The following AGBL1 variants were observed in gnomAD, a reference collection of about 807,000 sequenced individuals.
AGBL1 encodes cytosolic carboxypeptidase 4.
In AGBL1, 130 loss-of-function variants were observed where a neutral mutation model predicts 118.9. That is an observed-to-expected ratio of 1.09 (90% CI 0.95 to 1.26). The LOEUF (loss-of-function observed/expected upper bound fraction) is 1.26, where lower values mean the gene tolerates loss of function less well. Among genes scored for constraint, AGBL1 ranks in the 50% most tolerant of loss-of-function variants. The probability of loss-of-function intolerance (pLI) is 0.00; values close to 1 mark genes in which losing one functional copy is unlikely to be tolerated. For synonymous variants in AGBL1, 555 were observed against 478.9 expected, an observed-to-expected ratio of 1.16 and a Z score of -2.08; for missense variants, 1,584 against 1,298.1, an observed-to-expected ratio of 1.22 and a Z score of -3.38.
At chr15:86,383,709 C>T (rs2081144626) in intron 17 of AGBL1, among the ~76,000 whole-genome samples, 1 of 152,214 alleles carries the variant, frequency 6.6e-6, no homozygotes, top group African/African-American at 2.4e-5. Context: ...ACAAAATTGA[C>T]CCACTTCAGC....
intron 21 of AGBL1, among the ~76,000 whole-genome samples, chr15:86,652,092 A>G (rs1302251331): frequency 6.6e-6 from 1 of 152,134 alleles, no homozygotes; most frequent in Non-Finnish European, 1.5e-5. Context: ...TCCCCAATAC[A>G]ATAAAAAGGA....
chr15:86,787,232 C>T (rs2078425838), intron 22 of AGBL1, among the ~76,000 whole-genome samples: 1 of 151,950 alleles, frequency 6.6e-6, no homozygotes, highest in South Asian at 2.1e-4. Context: ...CCATAGTTAC[C>T]CATTTTTATG....
chr15:86,190,480 T>G (rs1180762669), intron 5 of AGBL1, among the ~76,000 whole-genome samples: 1 of 152,216 alleles, frequency 6.6e-6, no homozygotes, highest in Non-Finnish European at 1.5e-5. Flanking sequence ...TCTATAATTT[T>G]TTAAAAATTA....
At chr15:86,270,111 A>C in intron 14 of AGBL1, 44 bp downstream of exon 14, 1 of 1,575,514 alleles carries the variant, frequency 6.3e-7, no homozygotes, top group South Asian at 1.2e-5. Context: ...ACATGCCAGG[A>C]ATGACATTTC....
chr15:86,749,833 A>G (rs1037073068), intron 22 of AGBL1, among the ~76,000 whole-genome samples: 2 of 152,106 alleles, frequency 1.3e-5, no homozygotes, highest in African/African-American at 2.4e-5. Context: ...CGTATGTTGA[A>G]CCAGCCTTGC....
chr15:86,439,466 T>C (rs1488218178), intron 18 of AGBL1, among the ~76,000 whole-genome samples: 1 of 152,192 alleles, frequency 6.6e-6, no homozygotes, highest in Non-Finnish European at 1.5e-5. Flanking sequence ...AAGTAGACTA[T>C]AAATTTGAAG....
In AGBL1 at chr15:86,771,729, G is replaced by A. The variant is rs528450778; in HGVS notation, c.3158+97293G>A. ...AAAAAAAGAAAAAGCTTTCACAAAT[G>A]TAGTTGTCTTTCTCCTTAATTATTT... On this transcript the variant is annotated intron_variant, in intron 22 of 22. Coordinates refer to ENST00000614907, the MANE Select transcript of AGBL1 (RefSeq NM_001386094.1). 2.0e-4 allele frequency among the ~76,000 whole-genome samples: 30 copies of A among 152,082 alleles called. 1 individual carries two copies. Among genetic ancestry groups the A allele is most frequent in the African/African-American group, 7.0e-4 (29 of 41,512 alleles).
At chr15:86,723,627 C>T (rs1009658530) in intron 22 of AGBL1, among the ~76,000 whole-genome samples, 1 of 151,814 alleles carries the variant, frequency 6.6e-6, no homozygotes, top group Non-Finnish European at 1.5e-5. Context: ...GCACGTTGTG[C>T]ACATGTACCC....
rs1358202027 is a variant in AGBL1, at chr15:86,888,414, A to G, written c.3159-18673A>G. Among the ~76,000 whole-genome samples the G allele has an allele frequency of 2.6e-5, 4 of 152,324 alleles. No individual in the cohort carries two copies. The East Asian group carries it at 5.8e-4, about 22-fold the overall frequency. ...CACATAAACTGTAGAGCTACAGATG[A>G]ATCATATACCTTTATTTTAAAGGTA... On this transcript the variant is annotated intron_variant, in intron 22 of 22. Transcript: ENST00000614907.
intron 21 of AGBL1, among the ~76,000 whole-genome samples, chr15:86,594,615 G>A (rs1421758207): frequency 2.0e-5 from 3 of 151,928 alleles, no homozygotes; most frequent in African/African-American, 7.3e-5. Context: ...GTTTTGTTCT[G>A]TTTTCCAAAT....
In AGBL1 at chr15:86,145,043, A is replaced by G. The variant is rs1003690275; in HGVS notation, c.262+1198A>G. 4.9e-4 allele frequency among the ~76,000 whole-genome samples: 75 copies of G among 152,294 alleles called. 1 individual carries two copies. The highest frequency in any genetic ancestry group is 1.6e-3 in the African/African-American group (67 of 41,578). On this transcript the variant is annotated intron_variant, in intron 3 of 22. Transcript: ENST00000614907. Reference sequence around the variant, plus strand: ...AGAAATCCTTGGTGTTTCTTGGACTATAGATGCATCACTCTGATCTCTGCC... The same window carrying G: ...AGAAATCCTTGGTGTTTCTTGGACTGTAGATGCATCACTCTGATCTCTGCC...
chr15:86,927,392 C>A (rs117268911), intron 23 of AGBL1, among the ~76,000 whole-genome samples: 5,925 of 149,432 alleles, frequency 0.04, 154 homozygotes, highest in Middle Eastern at 0.072. Flanking sequence ...AGTTTGACAC[C>A]AGCCTGGGCA....
At chr15:86,419,063 G>T (rs995905049) in intron 18 of AGBL1, among the ~76,000 whole-genome samples, 1 of 152,040 alleles carries the variant, frequency 6.6e-6, no homozygotes, top group Non-Finnish European at 1.5e-5. Context: ...AGTGTGATAT[G>T]CTATCAAAGA....
Position 86,143,685 on chromosome 15 carries a change from CG to C in AGBL1, c.116-12del, listed in dbSNP as rs2141652633. The C allele has an allele frequency of 6.2e-7, 1 of 1,611,776 alleles. No individual in the cohort carries two copies. The highest frequency in any genetic ancestry group is 2.2e-5 in the East Asian group (1 of 44,816). The stretch of plus-strand genomic sequence containing the variant: ...TATTACTTGTGGCTCATCTTTCCTC[CG>C]GTTTCCCCTCAGGCACAGACCGGAG... On this transcript the variant is annotated splice_polypyrimidine_tract_variant and intron_variant, in intron 2 of 22. Coordinates refer to ENST00000614907, the MANE Select transcript of AGBL1 (RefSeq NM_001386094.1).
intron 22 of AGBL1, among the ~76,000 whole-genome samples, chr15:86,828,917 TA>T (rs2079067675): frequency 1.5e-4 from 1 of 6,500 alleles, no homozygotes; most frequent in Non-Finnish European, 7.5e-4. Flanking sequence ...TTCAAAAGTA[TA>T]TATATATATA....
At chr15:86,307,635 C>T (rs895112854) in intron 17 of AGBL1, among the ~76,000 whole-genome samples, 5 of 151,840 alleles carry the variant, frequency 3.3e-5, no homozygotes, top group Non-Finnish European at 7.4e-5. Flanking sequence ...CATAGGGTGG[C>T]GTGTGCCTGT....
intron 7 of AGBL1, 30 bp from the exon 8 acceptor site, chr15:86,256,823 G>A: frequency 1.4e-5 from 22 of 1,610,566 alleles, no homozygotes; most frequent in African/African-American, 2.7e-5. Flanking sequence ...CCCAGATGTT[G>A]GCATCTGATA....
chr15:86,726,208 C>A (rs965938995), intron 22 of AGBL1, among the ~76,000 whole-genome samples: 2 of 152,192 alleles, frequency 1.3e-5, no homozygotes, highest in African/African-American at 4.8e-5. Flanking sequence ...AGCAAAAAAG[C>A]TCTCAATTAC....
intron 18 of AGBL1, among the ~76,000 whole-genome samples, chr15:86,459,970 G>C (rs559924186): frequency 2.6e-5 from 4 of 152,180 alleles, no homozygotes; most frequent in Admixed American, 6.5e-5. Context: ...TAGGATCAAG[G>C]CTTGAGCATA....
Sources: allele counts gnomAD v4.1 joint callset (sites outside exome capture counted in the v4.1 genomes callset), GRCh38; gene constraint gnomAD v4.1.1; transcripts MANE v1.5; gene names NCBI Gene and HGNC (gene_info 2026-07-23, HGNC 2026-07-21).